Variants in UBE2O observed in about 807,000 individuals in gnomAD.
The protein encoded by UBE2O is (E3-independent) E2 ubiquitin-conjugating enzyme.
UBE2O carries 15 observed loss-of-function variants against 125.8 expected under a neutral mutation model. The ratio of observed to expected loss-of-function variants is 0.12; its 90% CI spans 0.08 to 0.18. The LOEUF (loss-of-function observed/expected upper bound fraction) is 0.18. Among genes scored for constraint, UBE2O ranks in the 10% least tolerant of loss-of-function variants. UBE2O has a pLI of 1.00. For missense variants in UBE2O, 1,280 were observed against 1,723.6 expected (o/e 0.74, Z 4.56); for synonymous variants, 708 against 703.2 (o/e 1.01, Z -0.11).
At position 76,396,026 on chromosome 17, in the gene UBE2O, G is replaced by C; in HGVS notation, c.2809+102C>G. The C allele has an allele frequency of 6.8e-7, 1 of 1,474,444 alleles. No individual in the cohort carries two copies. Among genetic ancestry groups the C allele is most frequent in the Non-Finnish European group, 9.3e-7 (1 of 1,080,746 alleles). 91.3% of individuals were successfully genotyped at this position (1,474,444 alleles called of 1,614,324 possible). A position where few individuals can be genotyped will look rare whatever the true frequency, so the allele number is the denominator to read the frequency against. On this transcript the variant is annotated intron_variant, in intron 14 of 17. Coordinates refer to ENST00000319380, the MANE Select transcript of UBE2O (RefSeq NM_022066.4). This position sits in a 1 kb window ranked among gnomAD's most constrained non-coding sequence, Gnocchi z 6.7. ...TGGTTTGCCCTGGGGCAGTAGCTGG[G>C]GTCTGGCGAGGGGACTAACCACCCT...
At position 76,391,693 on chromosome 17, in the gene UBE2O, ATCAGAG is replaced by A; in HGVS notation, c.3208+57_3208+62del. The A allele has an allele frequency of 6.2e-7, 1 of 1,607,266 alleles. No homozygotes were observed. Among genetic ancestry groups the A allele is most frequent in the Non-Finnish European group, 8.5e-7 (1 of 1,175,858 alleles). ...CTACCCTCCACCTGCCAGGGGGACT[ATCAGAG>A]TCACTTTCCTCCACCGGCCCTCCCT... On this transcript the variant is annotated intron_variant, in intron 17 of 17. Coordinates refer to ENST00000319380, the MANE Select transcript of UBE2O (RefSeq NM_022066.4). This position sits in a 1 kb window ranked among gnomAD's most constrained non-coding sequence, Gnocchi z 8.4.
intron 1 of UBE2O, among the ~76,000 whole-genome samples, chr17:76,412,836 C>T (rs887413785): frequency 3.3e-5 from 5 of 152,108 alleles, no homozygotes; most frequent in Non-Finnish European, 7.4e-5. Context: ...GGTGAAACCC[C>T]GTCTCTATTA....
chr17:76,437,266 C>T (rs573993508), intron 1 of UBE2O, among the ~76,000 whole-genome samples: 13 of 151,332 alleles, frequency 8.6e-5, no homozygotes, highest in African/African-American at 2.4e-4. Context: ...CTGGCTAACA[C>T]GGTGAAACCC....
At chr17:76,413,419 C>A (rs560366096) in intron 1 of UBE2O, among the ~76,000 whole-genome samples, 1 of 151,732 alleles carries the variant, frequency 6.6e-6, no homozygotes, top group African/African-American at 2.4e-5. Context: ...GTTATAGAAC[C>A]AATTTAGTGG....
intron 1 of UBE2O, among the ~76,000 whole-genome samples, chr17:76,424,457 C>A (rs1182399666): frequency 7.1e-6 from 1 of 140,214 alleles, no homozygotes; most frequent in African/African-American, 2.7e-5. Flanking sequence ...GATTCGCCCA[C>A]CTCAGCCTCC....
chr17:76,428,380 C>T (rs1356456539), intron 1 of UBE2O, among the ~76,000 whole-genome samples: 2 of 152,150 alleles, frequency 1.3e-5, no homozygotes, highest in African/African-American at 2.4e-5. Context: ...TATAGACTTC[C>T]TAGATGTCAG....
intron 1 of UBE2O, among the ~76,000 whole-genome samples, chr17:76,440,341 T>C (rs977755006): frequency 1.4e-4 from 21 of 152,254 alleles, no homozygotes; most frequent in Admixed American, 7.8e-4. Flanking sequence ...TTTTTTACTT[T>C]GAGACAGGGT....
chr17:76,438,258 G>C (rs913884367), intron 1 of UBE2O, among the ~76,000 whole-genome samples: 4 of 152,198 alleles, frequency 2.6e-5, no homozygotes, highest in Non-Finnish European at 5.9e-5. Context: ...GGGGTGGATG[G>C]TGGGGATGGT....
intron 1 of UBE2O, among the ~76,000 whole-genome samples, chr17:76,423,725 T>TAAATAAATAAATAAAAAAAAA: frequency 1.3e-5 from 2 of 148,936 alleles, no homozygotes; most frequent in African/African-American, 4.9e-5. Flanking sequence ...AATAAATAAA[T>TAAATAAATAAATAAAAAAAAA]AAAAAATAAG....
rs754607683 is a variant in UBE2O, at chr17:76,402,660, G to A, written c.628C>T (p.Leu210=). The change falls in exon 4 of 18, where the codon CTG becomes TTG. Residue 210 remains leucine (L), a synonymous_variant. Transcript: ENST00000319380. This position sits in a 1 kb window ranked among gnomAD's most constrained non-coding sequence, Gnocchi z 5.4. ...YGDYIAYDCW[L]GKVYDLKNQI... ...TTCTTCAAGTCGTAGACCTTCCCCA[G>A]CCAGCAGTCATAGGCAATGTAGTCC... The A allele has an allele frequency of 1.5e-5, 24 of 1,614,032 alleles. No individual in the cohort carries two copies. Among genetic ancestry groups the A allele is most frequent in the Non-Finnish European group, 1.9e-5 (22 of 1,180,026 alleles).
In UBE2O at chr17:76,404,997, G is replaced by C. The variant is rs1222510877; in HGVS notation, c.588+209C>G. 6.6e-6 allele frequency among the ~76,000 whole-genome samples: 1 copy of C among 152,172 alleles called. No homozygotes were observed. The highest frequency in any genetic ancestry group is 1.5e-5 in the Non-Finnish European group (1 of 68,028). ...CACTGGCAGCCTATGCTGGGGTTGG[G>C]GAAGGGCACGTCCTGACCTCATGTC... On this transcript the variant is annotated intron_variant, in intron 3 of 17. Transcript: ENST00000319380. This position sits in a 1 kb window ranked among gnomAD's most constrained non-coding sequence, Gnocchi z 4.3.
intron 1 of UBE2O, among the ~76,000 whole-genome samples, chr17:76,408,888 G>A (rs1038165348): frequency 2.0e-5 from 3 of 152,102 alleles, no homozygotes; most frequent in African/African-American, 7.2e-5. Context: ...ATCTGGGGTC[G>A]GGGGTGAAGA....
intron 1 of UBE2O, among the ~76,000 whole-genome samples, chr17:76,443,947 G>A (rs1413676269): frequency 2.0e-5 from 3 of 152,210 alleles, no homozygotes; most frequent in African/African-American, 4.8e-5. Context: ...TCGGCCAGGC[G>A]CGGTAGCTCA....
At chr17:76,433,174 T>A (rs1294597891) in intron 1 of UBE2O, among the ~76,000 whole-genome samples, 1 of 150,472 alleles carries the variant, frequency 6.6e-6, no homozygotes, top group African/African-American at 2.5e-5. Flanking sequence ...AGCCAAAAGG[T>A]GAAAATGACA....
intron 1 of UBE2O, among the ~76,000 whole-genome samples, chr17:76,447,692 A>T (rs1185870366): frequency 1.3e-5 from 2 of 152,158 alleles, no homozygotes; most frequent in African/African-American, 4.8e-5. Context: ...AGGTTTAATA[A>T]AGTCAAACCT....
chr17:76,416,018 T>G (rs775568492), intron 1 of UBE2O, among the ~76,000 whole-genome samples: 1 of 150,532 alleles, frequency 6.6e-6, no homozygotes, highest in African/African-American at 2.4e-5. Context: ...TGTATACATA[T>G]GTACACACAC....
At chr17:76,432,827 C>A (rs567070190) in intron 1 of UBE2O, among the ~76,000 whole-genome samples, 2 of 152,306 alleles carry the variant, frequency 1.3e-5, no homozygotes, top group East Asian at 3.9e-4. Flanking sequence ...CCAATAAGCA[C>A]ATGAAAAGAT....
At position 76,399,345 on chromosome 17, in the gene UBE2O, A is replaced by G; in HGVS notation, c.1628+104T>C. 8.4e-7 allele frequency: 1 copy of G among 1,186,878 alleles called. No individual in the cohort carries two copies. 73.5% of individuals were successfully genotyped at this position (1,186,878 alleles called of 1,614,324 possible). The stretch of plus-strand genomic sequence containing the variant: ...GGGAGCCCCGGAGCCACTACAAGGC[A>G]TGCAGAGGTGTGTGTGCGAGCGCAG... On this transcript the variant is annotated intron_variant, in intron 9 of 17. Coordinates refer to ENST00000319380, the MANE Select transcript of UBE2O (RefSeq NM_022066.4). The surrounding 1 kb of genome is among the most constrained non-coding windows in gnomAD (Gnocchi z 6.9).
At chr17:76,409,158 C>T (rs1046205329) in intron 1 of UBE2O, among the ~76,000 whole-genome samples, 4 of 151,788 alleles carry the variant, frequency 2.6e-5, no homozygotes, top group African/African-American at 4.8e-5. Flanking sequence ...TCAGTAGAGA[C>T]GGGGTTTCAC....
Sources: gnomAD v4.1 joint callset for allele counts (sites outside exome capture counted in the v4.1 genomes callset) on GRCh38, gnomAD v4.1.1 for gene constraint, Gnocchi (gnomAD v3.1) non-coding constraint, MANE v1.5 for transcripts, NCBI Gene and HGNC (gene_info 2026-07-23, HGNC 2026-07-21) for gene names.